MTMR12: variants seen among roughly 807,000 people sequenced by gnomAD.
MTMR12 encodes the protein myotubularin-related protein 12.
MTMR12 carries 33 observed loss-of-function variants against 96.7 expected under a neutral mutation model. That is an observed-to-expected ratio of 0.34 (90% CI 0.26 to 0.46). The LOEUF (loss-of-function observed/expected upper bound fraction) is 0.46. MTMR12 is among the 20% of genes least tolerant of loss of function. The pLI, the probability that MTMR12 is intolerant of heterozygous loss-of-function variation, is 1.00. For missense variants in MTMR12, 721 were observed against 896.1 expected, an observed-to-expected ratio of 0.80 and a Z score of 2.49; for synonymous variants, 298 against 327.2, an observed-to-expected ratio of 0.91 and a Z score of 0.96.
rs534306811 is a variant in MTMR12, at chr5:32,246,456, C to T, written c.1021+1546G>A. ...GATTACAGGCATGAGCCACTGCGCCCAGCAAGTAGGTTTGCTCAACTTTAT... is the reference window on the plus strand; with the variant it reads ...GATTACAGGCATGAGCCACTGCGCCTAGCAAGTAGGTTTGCTCAACTTTAT... On this transcript the variant is annotated intron_variant, in intron 10 of 15. Coordinates refer to ENST00000382142, the MANE Select transcript of MTMR12 (RefSeq NM_001040446.3). Among the ~76,000 whole-genome samples the T allele has an allele frequency of 1.7e-3, 257 of 152,300 alleles. 3 individuals are homozygous for T. The highest frequency in any genetic ancestry group is 5.6e-3 in the African/African-American group (232 of 41,578).
At chr5:32,231,742 A>G in intron 15 of MTMR12, among the ~76,000 whole-genome samples, 1 of 152,182 alleles carries the variant, frequency 6.6e-6, no homozygotes, top group East Asian at 1.9e-4. Context: ...AGGGTCAGGA[A>G]AGATGAAGGC....
intron 1 of MTMR12, among the ~76,000 whole-genome samples, chr5:32,305,278 G>A (rs1465610749): frequency 6.6e-6 from 1 of 151,942 alleles, no homozygotes; most frequent in African/African-American, 2.4e-5. Flanking sequence ...TAGTAGAGAT[G>A]GGGTTTCACC....
chr5:32,232,944 C>A, intron 15 of MTMR12: 1 of 983,294 alleles, frequency 1.0e-6, no homozygotes, highest in Non-Finnish European at 1.2e-6. Flanking sequence ...CAGTGACACA[C>A]ATCGACTTAG....
At chr5:32,238,093 G>A (rs1748308332) in intron 13 of MTMR12, among the ~76,000 whole-genome samples, 1 of 132,038 alleles carries the variant, frequency 7.6e-6, no homozygotes, top group Admixed American at 8.8e-5. Context: ...GCAGTGAGCT[G>A]AGACTGCACC....
intron 10 of MTMR12, among the ~76,000 whole-genome samples, chr5:32,246,748 C>T (rs1383638299): frequency 6.6e-6 from 1 of 152,188 alleles, no homozygotes; most frequent in Non-Finnish European, 1.5e-5. Flanking sequence ...TTTCACCATT[C>T]TTCCACCCAA....
At chr5:32,264,792 C>T (rs1749528977) in intron 6 of MTMR12, among the ~76,000 whole-genome samples, 1 of 152,028 alleles carries the variant, frequency 6.6e-6, no homozygotes, top group Non-Finnish European at 1.5e-5. Context: ...TCCTCACAAC[C>T]CTATAGAATA....
Position 32,312,797 on chromosome 5 carries a change from C to G in MTMR12, c.42G>C (p.Lys14Asn). 6.5e-7 allele frequency: 1 copy of G among 1,533,472 alleles called. No individual in the cohort carries two copies. Among genetic ancestry groups the G allele is most frequent in the South Asian group, 1.2e-5 (1 of 84,500 alleles). 95.0% of individuals were successfully genotyped at this position (1,533,472 alleles called of 1,614,324 possible). ...KGVVGGGGGT[K>N]APKPSFVSYV... ...ACGACACGAAGGAGGGCTTGGGGGC[C>G]TTGGTGCCGCCGCCACCGCCGACTA... Residue 14 changes from lysine (K) to asparagine (N), a missense_variant, in exon 1 of 16, where the codon AAG becomes AAC. Lys to Asn is a moderately conservative substitution (Grantham distance 94, BLOSUM62 0). Transcript: ENST00000382142. The surrounding 1 kb of genome is among the most constrained non-coding windows in gnomAD (Gnocchi z 5.0).
intron 9 of MTMR12, among the ~76,000 whole-genome samples, chr5:32,248,454 T>C (rs570048573): frequency 6.6e-6 from 1 of 152,330 alleles, no homozygotes; most frequent in African/African-American, 2.4e-5. Flanking sequence ...TTTGTTTAAT[T>C]TGAAACATGT....
chr5:32,286,732 G>A (rs911488604), intron 1 of MTMR12, among the ~76,000 whole-genome samples: 2 of 152,000 alleles, frequency 1.3e-5, no homozygotes, highest in Non-Finnish European at 2.9e-5. Flanking sequence ...AAAAGAAATG[G>A]GTCTCAAGCC....
chr5:32,280,819 G>C (rs1302084016), intron 1 of MTMR12, among the ~76,000 whole-genome samples: 1 of 152,160 alleles, frequency 6.6e-6, no homozygotes, highest in Non-Finnish European at 1.5e-5. Context: ...TAGTATGAGA[G>C]CTTTAAGAGA....
Position 32,237,687 on chromosome 5 carries a change from T to C in MTMR12, c.1344+1314A>G, listed in dbSNP as rs565833013. On this transcript the variant is annotated intron_variant, in intron 13 of 15. Transcript: ENST00000382142. ...CACCACACCCGGCTAATTTTTTGTA[T>C]TTTTAGTAGAGACGGGGTTTCACCG... Among the ~76,000 whole-genome samples the C allele has an allele frequency of 1.1e-3, 162 of 152,148 alleles. 1 individual carries two copies. Among genetic ancestry groups the C allele is most frequent in the African/African-American group, 3.9e-3 (160 of 41,550 alleles).
intron 3 of MTMR12, 35 bp downstream of exon 3, chr5:32,273,945 G>A: frequency 6.2e-7 from 1 of 1,612,426 alleles, no homozygotes; most frequent in Non-Finnish European, 8.5e-7. Flanking sequence ...CCACACTGTT[G>A]CCCACAAACT....
At chr5:32,300,939 G>T (rs1751116084) in intron 1 of MTMR12, among the ~76,000 whole-genome samples, 1 of 152,160 alleles carries the variant, frequency 6.6e-6, no homozygotes, top group South Asian at 2.1e-4. Context: ...GCCGGGTGTG[G>T]TGGCATGCGC....
intron 1 of MTMR12, among the ~76,000 whole-genome samples, chr5:32,284,763 A>G (rs1292374544): frequency 1.3e-5 from 2 of 152,216 alleles, no homozygotes; most frequent in Non-Finnish European, 2.9e-5. Context: ...TATCATGTTC[A>G]ATGTGCAGCA....
chr5:32,308,792 A>G (rs1003340398), intron 1 of MTMR12, among the ~76,000 whole-genome samples: 2 of 151,980 alleles, frequency 1.3e-5, no homozygotes, highest in African/African-American at 4.8e-5. Context: ...TTTAGTAGAG[A>G]CGGGGTTTCA....
At chr5:32,307,628 G>C (rs1751410668) in intron 1 of MTMR12, among the ~76,000 whole-genome samples, 1 of 152,102 alleles carries the variant, frequency 6.6e-6, no homozygotes, top group South Asian at 2.1e-4. Flanking sequence ...CACTGATTTA[G>C]AATAATCAAG....
chr5:32,309,709 A>G (rs1408350320), intron 1 of MTMR12: 1 of 152,274 alleles, frequency 6.6e-6, no homozygotes, highest in African/African-American at 2.4e-5. Flanking sequence ...GACACAGAGA[A>G]GATTAGCATG....
At chr5:32,287,459 T>C (rs888799280) in intron 1 of MTMR12, among the ~76,000 whole-genome samples, 1 of 152,214 alleles carries the variant, frequency 6.6e-6, no homozygotes, top group Non-Finnish European at 1.5e-5. Context: ...CAGGCTCTCC[T>C]TGCTCCTCAA....
chr5:32,289,196 GGCTAATTAATCA>G (rs1417902796), intron 1 of MTMR12, among the ~76,000 whole-genome samples: 1 of 152,174 alleles, frequency 6.6e-6, no homozygotes, highest in African/African-American at 2.4e-5. Flanking sequence ...CTCTGGCATT[GGCTAATTAATCA>G]TGCTGTTCCT....
Sources: gnomAD v4.1 joint callset for allele counts (sites outside exome capture counted in the v4.1 genomes callset) on GRCh38, gnomAD v4.1.1 for gene constraint, Gnocchi (gnomAD v3.1) non-coding constraint, MANE v1.5 for transcripts, NCBI Gene and HGNC (gene_info 2026-07-23, HGNC 2026-07-21) for gene names.